CACNB2: variants seen among roughly 807,000 people sequenced by gnomAD.
The protein encoded by CACNB2 is voltage-dependent L-type calcium channel subunit beta-2.
Under a neutral mutation model 73.3 loss-of-function variants are expected in CACNB2, and 42 were observed. The observed-to-expected ratio is 0.57, with a 90% confidence interval of 0.45 to 0.74. The LOEUF is 0.74. Ranked by LOEUF, CACNB2 falls within the 30% of genes least tolerant of loss-of-function variation. CACNB2 has a pLI of 0.00. For missense variants in CACNB2, 940 were observed against 853.0 expected (o/e 1.10, Z -1.27); for synonymous variants, 348 against 310.3 (o/e 1.12, Z -1.28).
At chr10:18,282,249 G>C (rs2038585163) in intron 2 of CACNB2, among the ~76,000 whole-genome samples, 1 of 152,160 alleles carries the variant, frequency 6.6e-6, no homozygotes, top group Non-Finnish European at 1.5e-5. Context: ...GCAGAGTGGA[G>C]AGTCCCATGG....
In CACNB2 at chr10:18,315,920, G is replaced by A. The variant is rs371258145; in HGVS notation, c.214-86004G>A. On this transcript the variant is annotated intron_variant, in intron 2 of 13. Coordinates refer to ENST00000324631, the MANE Select transcript of CACNB2 (RefSeq NM_201596.3). ...CCATTCTGCAGTTTCCATCATAGAC[G>A]TAATGAACTTCGGAGTACAGACAGT... 2.6e-5 allele frequency among the ~76,000 whole-genome samples: 4 copies of A among 152,100 alleles called. No homozygotes were observed. The East Asian group carries it at 5.8e-4, about 22-fold the overall frequency.
chr10:18,533,960 C>A, intron 10 of CACNB2, 116 bp from the exon 11 acceptor site: 1 of 888,170 alleles, frequency 1.1e-6, no homozygotes, highest in Non-Finnish European at 1.8e-6. Context: ...AATTCTATTG[C>A]CTGTAAGCAT....
chr10:18,182,090 C>T (rs1215605335), intron 2 of CACNB2: 2 of 152,268 alleles, frequency 1.3e-5, no homozygotes, highest in African/African-American at 4.8e-5. Flanking sequence ...CTTCCTGGGT[C>T]ACTGGCAGAA....
chr10:18,452,986 T>C (rs1286500370), intron 3 of CACNB2, among the ~76,000 whole-genome samples: 1 of 152,170 alleles, frequency 6.6e-6, no homozygotes, highest in Non-Finnish European at 1.5e-5. Flanking sequence ...GCTGACATCA[T>C]AGCATCCATG....
At chr10:18,281,963 G>A in intron 2 of CACNB2, among the ~76,000 whole-genome samples, 2 of 119,638 alleles carry the variant, frequency 1.7e-5, no homozygotes, top group Admixed American at 1.0e-4. Context: ...CTGGGTGACA[G>A]AGTGAGACTC....
chr10:18,250,892 G>C (rs2037062540), intron 2 of CACNB2, among the ~76,000 whole-genome samples: 1 of 152,210 alleles, frequency 6.6e-6, no homozygotes, highest in East Asian at 1.9e-4. Context: ...CCCAGTCTCT[G>C]GAACTTCTCA....
chr10:18,505,332 A>G (rs968298841), intron 5 of CACNB2, among the ~76,000 whole-genome samples: 5 of 152,092 alleles, frequency 3.3e-5, no homozygotes, highest in African/African-American at 7.2e-5. Context: ...TTCTATAGAT[A>G]TCACTTGTCA....
intron 2 of CACNB2, among the ~76,000 whole-genome samples, chr10:18,337,240 C>T (rs1056733963): frequency 6.6e-6 from 1 of 152,072 alleles, no homozygotes; most frequent in Admixed American, 6.5e-5. Context: ...AGCAATCCTC[C>T]CATCTCAGCC....
intron 2 of CACNB2, among the ~76,000 whole-genome samples, chr10:18,278,629 G>A (rs1564398843): frequency 6.6e-6 from 1 of 152,078 alleles, no homozygotes; most frequent in Non-Finnish European, 1.5e-5. Context: ...TTGCGATAAG[G>A]GAAATGGAGA....
chr10:18,351,134 G>A (rs934145016), intron 2 of CACNB2, among the ~76,000 whole-genome samples: 1 of 142,746 alleles, frequency 7.0e-6, no homozygotes, highest in African/African-American at 2.6e-5. Context: ...AAGATCACAT[G>A]TACACCCTTT....
At chr10:18,493,259 C>T (rs970861986) in intron 3 of CACNB2, among the ~76,000 whole-genome samples, 11 of 152,172 alleles carry the variant, frequency 7.2e-5, no homozygotes, top group Non-Finnish European at 1.3e-4. Flanking sequence ...GCCTCCGCCT[C>T]CTAGGTTCAA....
chr10:18,350,438 C>G (rs907511071), intron 2 of CACNB2, among the ~76,000 whole-genome samples: 1 of 152,156 alleles, frequency 6.6e-6, no homozygotes, highest in African/African-American at 2.4e-5. Flanking sequence ...CTTCCATGCA[C>G]GCAGCCCACA....
chr10:18,481,705 C>T (rs1327339032), intron 3 of CACNB2, among the ~76,000 whole-genome samples: 2 of 152,108 alleles, frequency 1.3e-5, no homozygotes, highest in African/African-American at 4.8e-5. Context: ...CCTTCTCTGG[C>T]CCCTCTCTTC....
At chr10:18,509,473 C>T (rs567611883) in intron 6 of CACNB2, among the ~76,000 whole-genome samples, 2 of 152,288 alleles carry the variant, frequency 1.3e-5, no homozygotes, top group African/African-American at 4.8e-5. Context: ...CTCTGCTTAA[C>T]TTGACCCAAA....
At chr10:18,360,462 G>A (rs2042098006) in intron 2 of CACNB2, among the ~76,000 whole-genome samples, 1 of 152,108 alleles carries the variant, frequency 6.6e-6, no homozygotes, top group Non-Finnish European at 1.5e-5. Flanking sequence ...GGCTTCAAGG[G>A]ATCCTCAGGC....
intron 2 of CACNB2, among the ~76,000 whole-genome samples, chr10:18,209,432 G>A (rs1376424357): frequency 1.3e-5 from 2 of 152,194 alleles, no homozygotes; most frequent in Non-Finnish European, 2.9e-5. Flanking sequence ...ATAGAAGTAA[G>A]GATGTGCTTT....
intron 3 of CACNB2, among the ~76,000 whole-genome samples, chr10:18,493,488 G>A (rs1034271539): frequency 2.6e-5 from 4 of 152,180 alleles, no homozygotes; most frequent in South Asian, 4.2e-4. Context: ...TTATATCAAG[G>A]ACTTGAACAT....
chr10:18,396,048 C>T (rs966207429), intron 2 of CACNB2, among the ~76,000 whole-genome samples: 2 of 152,134 alleles, frequency 1.3e-5, no homozygotes, highest in African/African-American at 4.8e-5. Flanking sequence ...CCTCTGCCTC[C>T]TAGGTTCAAG....
chr10:18,541,878 A>AT lies in CACNB2; in HGVS notation c.*2154_*2155insT, dbSNP rs1354196669. The AT allele has an allele frequency of 1.3e-5, 2 of 151,858 alleles. No individual in the cohort carries two copies. Among genetic ancestry groups the AT allele is most frequent in the Non-Finnish European group, 2.9e-5 (2 of 67,952 alleles). The allele number at this position is 151,858 out of a possible 1,614,324, so 9.4% of individuals were successfully genotyped here. On this transcript the variant is annotated 3_prime_UTR_variant, in exon 14 of 14. Transcript: ENST00000324631. ...CTCCATCTCCAAAAAAGAAAAAAAAACAAAAAACAAAAAAAACTATCCAGC... is the reference window on the plus strand; with the variant it reads ...CTCCATCTCCAAAAAAGAAAAAAAAATCAAAAAACAAAAAAAACTATCCAGC...
Sources: gnomAD v4.1 joint callset for allele counts (sites outside exome capture counted in the v4.1 genomes callset) on GRCh38, gnomAD v4.1.1 for gene constraint, MANE v1.5 for transcripts, NCBI Gene and HGNC (gene_info 2026-07-23, HGNC 2026-07-21) for gene names.